The following CPSF4 variants were observed in gnomAD, a reference collection of about 807,000 sequenced individuals.
CPSF4 encodes cleavage and polyadenylation specific factor 4.
A neutral mutation model predicts 37.7 loss-of-function variants in CPSF4; 11 were observed. The observed-to-expected ratio is 0.29, with a 90% CI of 0.18 to 0.48. The LOEUF (loss-of-function observed/expected upper bound fraction) is 0.48. CPSF4 is among the 20% of genes least tolerant of loss of function. The pLI, the probability that CPSF4 is intolerant of heterozygous loss-of-function variation, is 0.99. For missense variants in CPSF4, 144 were observed against 359.5 expected, an observed-to-expected ratio of 0.40 and a Z score of 4.85; for synonymous variants, 132 against 135.9, an observed-to-expected ratio of 0.97 and a Z score of 0.20.
chr7:99,440,947 C>CTTT (rs555082595), intron 1 of CPSF4, among the ~76,000 whole-genome samples: 2 of 120,260 alleles, frequency 1.7e-5, no homozygotes, highest in Non-Finnish European at 3.5e-5. Context: ...CTTTTCCTGT[C>CTTT]TTTTTTTTTT....
chr7:99,449,474 C>T (rs1274301111), intron 3 of CPSF4, among the ~76,000 whole-genome samples: 1 of 152,228 alleles, frequency 6.6e-6, no homozygotes, highest in Non-Finnish European at 1.5e-5. Flanking sequence ...TCTTAAGGCA[C>T]CGCTATACAA....
At chr7:99,439,921 C>T (rs1427957432) in intron 1 of CPSF4, among the ~76,000 whole-genome samples, 1 of 152,118 alleles carries the variant, frequency 6.6e-6, no homozygotes, top group Non-Finnish European at 1.5e-5. Flanking sequence ...TTCATCACAC[C>T]CAGCAGCTGG....
chr7:99,454,850 A>G (rs1269217430), intron 7 of CPSF4, among the ~76,000 whole-genome samples: 1 of 152,162 alleles, frequency 6.6e-6, no homozygotes, highest in African/African-American at 2.4e-5. Context: ...CCCAAGGCGC[A>G]CACAATTCCT....
chr7:99,449,458 G>A (rs562061198), intron 3 of CPSF4, among the ~76,000 whole-genome samples: 14 of 152,382 alleles, frequency 9.2e-5, no homozygotes, highest in African/African-American at 3.4e-4. Context: ...GCTCTCCTGG[G>A]CAGGCTCTTA....
At position 99,456,588 on chromosome 7, in the gene CPSF4, G is replaced by A. The variant is rs1356729975; in HGVS notation, c.*88G>A. Reference sequence around the variant, plus strand: ...GTTTCATGCGCTTGTTGGCGCGACTGTGGCTCGAGCTGGCCCGCAGACACG... The same window carrying A: ...GTTTCATGCGCTTGTTGGCGCGACTATGGCTCGAGCTGGCCCGCAGACACG... On this transcript the variant is annotated 3_prime_UTR_variant, in exon 8 of 8. Coordinates refer to ENST00000292476, the MANE Select transcript of CPSF4 (RefSeq NM_006693.4). 1.7e-6 allele frequency: 2 copies of A among 1,146,046 alleles called. No individual in the cohort carries two copies. Among genetic ancestry groups the A allele is most frequent in the African/African-American group, 3.0e-5 (2 of 66,094 alleles). The allele number at this position is 1,146,046 out of a possible 1,614,324, so 71.0% of individuals were successfully genotyped here. A position where few individuals can be genotyped will look rare whatever the true frequency, so the allele number is the denominator to read the frequency against.
chr7:99,452,184 C>T (rs759940140), intron 5 of CPSF4, among the ~76,000 whole-genome samples, 184 bp from the exon 6 acceptor site: 93 of 152,200 alleles, frequency 6.1e-4, no homozygotes, highest in Non-Finnish European at 8.2e-4. Flanking sequence ...CTGTGGCCTC[C>T]CAGGAGCAGA....
chr7:99,439,320 G>C lies in CPSF4; in HGVS notation c.103+135G>C, dbSNP rs1318809186. The C allele has an allele frequency of 1.5e-4, 92 of 616,794 alleles. No individual in the cohort carries two copies. In the East Asian group the frequency reaches 2.8e-3, roughly 19 times the overall value. 38.2% of individuals were successfully genotyped at this position (616,794 alleles called of 1,614,324 possible). On this transcript the variant is annotated intron_variant, in intron 1 of 7. Transcript: ENST00000292476. ...CTGGATCCTGGGACCCCTCCCCTTT[G>C]GTCGCAGGACTCCTCCCTCTAGGTC...
At chr7:99,454,644 G>A (rs1167195917) in intron 7 of CPSF4, among the ~76,000 whole-genome samples, 1 of 152,204 alleles carries the variant, frequency 6.6e-6, no homozygotes, top group East Asian at 1.9e-4. Flanking sequence ...GGGAAGCGGG[G>A]AAAGGGGAGG....
intron 2 of CPSF4, among the ~76,000 whole-genome samples, chr7:99,446,708 A>C (rs951022532): frequency 1.4e-5 from 2 of 142,304 alleles, no homozygotes; most frequent in Non-Finnish European, 3.0e-5. Flanking sequence ...CCTGGGCCCA[A>C]GTGATCCTCC....
rs544292065 is a variant in CPSF4 at position 99,449,635 on chromosome 7, C to G, written c.308-641C>G. On this transcript the variant is annotated intron_variant, in intron 3 of 7. Coordinates refer to ENST00000292476, the MANE Select transcript of CPSF4 (RefSeq NM_006693.4). ...GTGAAGAGGTCCTTGCCCTGTGAAG[C>G]CTTCACTCTTGTGGTCCAGGGAAAG... 3.3e-5 allele frequency among the ~76,000 whole-genome samples: 5 copies of G among 152,368 alleles called. No homozygotes were observed. The South Asian group carries it at 1.0e-3, about 32-fold the overall frequency.
chr7:99,446,467 G>A (rs1797501983), intron 2 of CPSF4, among the ~76,000 whole-genome samples: 1 of 152,154 alleles, frequency 6.6e-6, no homozygotes, highest in Non-Finnish European at 1.5e-5. Flanking sequence ...GACCTCCATG[G>A]TGGTCTTGCC....
rs1197717034 is a variant in CPSF4, at chr7:99,454,865, C to T, written c.741+729C>T. ...CCCAAGGCGCACACAATTCCTACAG[C>T]TGGAGTTCTGAAGAATGAGTCCAGA... On this transcript the variant is annotated intron_variant, in intron 7 of 7. Coordinates refer to ENST00000292476, the MANE Select transcript of CPSF4 (RefSeq NM_006693.4). Among the ~76,000 whole-genome samples the T allele has an allele frequency of 2.0e-5, 3 of 152,178 alleles. 1 individual carries two copies. Among genetic ancestry groups the T allele is most frequent in the African/African-American group, 7.2e-5 (3 of 41,440 alleles).
chr7:99,442,379 G>A (rs1445762287), intron 1 of CPSF4, among the ~76,000 whole-genome samples: 5 of 151,630 alleles, frequency 3.3e-5, no homozygotes, highest in Non-Finnish European at 1.5e-5. Flanking sequence ...ATAATCGGCC[G>A]GGCGTTGTGG....
chr7:99,454,185 T>C, intron 7 of CPSF4, 49 bp downstream of exon 7: 1 of 1,513,726 alleles, frequency 6.6e-7, no homozygotes, highest in South Asian at 1.2e-5. Flanking sequence ...TTACCGTCAG[T>C]GGCCATTCCC....
In CPSF4 at chr7:99,440,420, C is replaced by T. The variant is rs576100202; in HGVS notation, c.103+1235C>T. Among the ~76,000 whole-genome samples the T allele has an allele frequency of 3.3e-5, 5 of 152,022 alleles. No homozygotes were observed. In the South Asian group the frequency reaches 1.0e-3, roughly 32 times the overall value. On this transcript the variant is annotated intron_variant, in intron 1 of 7. Transcript: ENST00000292476. The stretch of plus-strand genomic sequence containing the variant: ...GCTGGGTGCAGTGACGCAATCATGG[C>T]TCAATGCAGCCTCGACTTCCCAGGC...
intron 7 of CPSF4, 147 bp from the exon 8 acceptor site, chr7:99,456,285 C>G: frequency 1.4e-6 from 1 of 706,368 alleles, no homozygotes; most frequent in Non-Finnish European, 2.5e-6. Context: ...GAAAGAAACT[C>G]TGTACCACTG....
intron 5 of CPSF4, among the ~76,000 whole-genome samples, chr7:99,451,645 C>T (rs757271929): frequency 1.3e-4 from 20 of 152,290 alleles, no homozygotes; most frequent in African/African-American, 3.8e-4. Context: ...TGTGAGCCTC[C>T]GAAGACGGGT....
chr7:99,439,285 C>T, intron 1 of CPSF4, 100 bp downstream of exon 1: 2 of 820,074 alleles, frequency 2.4e-6, no homozygotes, highest in Non-Finnish European at 3.7e-6. Context: ...GAGACCTCCC[C>T]CGGCTTCCTC....
Position 99,453,557 on chromosome 7 carries a change from AGT to A in CPSF4, c.571-404_571-403del, listed in dbSNP as rs982844420. The A allele has an allele frequency of 1.9e-5, 3 of 157,602 alleles. No individual in the cohort carries two copies. The highest frequency in any genetic ancestry group is 7.2e-5 in the African/African-American group (3 of 41,524). 9.8% of individuals were successfully genotyped at this position (157,602 alleles called of 1,614,324 possible). A position where few individuals can be genotyped will look rare whatever the true frequency, so the allele number is the denominator to read the frequency against. On this transcript the variant is annotated intron_variant, in intron 6 of 7. Coordinates refer to ENST00000292476, the MANE Select transcript of CPSF4 (RefSeq NM_006693.4). The surrounding 1 kb of genome is among the most constrained non-coding windows in gnomAD (Gnocchi z 4.7). ...TCCTCTCAGCCCGAGAACGCAGCTC[AGT>A]GTGTCAGGCTCCAACTGTTTTTCTG...
Sources: gnomAD v4.1 joint callset for allele counts (sites outside exome capture counted in the v4.1 genomes callset) on GRCh38, gnomAD v4.1.1 for gene constraint, Gnocchi (gnomAD v3.1) non-coding constraint, MANE v1.5 for transcripts, NCBI Gene and HGNC (gene_info 2026-07-23, HGNC 2026-07-21) for gene names.